Variants in C5orf34 observed in about 807,000 individuals in gnomAD.
C5orf34 encodes chromosome 5 open reading frame 34.
C5orf34 carries 73 observed loss-of-function variants against 78.4 expected under a neutral mutation model. That is an observed-to-expected ratio of 0.93 (90% CI 0.77 to 1.13). The LOEUF (loss-of-function observed/expected upper bound fraction) is 1.13. Ranked by LOEUF, C5orf34 falls within the 50% of genes most tolerant of loss-of-function variation. The probability of loss-of-function intolerance (pLI) is 0.00; values close to 1 mark genes in which losing one functional copy is unlikely to be tolerated. For synonymous variants in C5orf34, 251 were observed against 246.6 expected, an observed-to-expected ratio of 1.02 and a Z score of -0.17; for missense variants, 730 against 732.7, an observed-to-expected ratio of 1.00 and a Z score of 0.04.
At position 43,493,691 on chromosome 5, in the gene C5orf34, A is replaced by G. The variant is rs923282110; in HGVS notation, c.1245-79T>C. ...TAGCAACCCATTTTCACTGCCATACAACATTTTAGATGATCAGTAAATCAT... is the reference window on the plus strand; with the variant it reads ...TAGCAACCCATTTTCACTGCCATACGACATTTTAGATGATCAGTAAATCAT... On this transcript the variant is annotated intron_variant, in intron 7 of 12. Coordinates refer to ENST00000306862, the MANE Select transcript of C5orf34 (RefSeq NM_198566.4). 3.9e-5 allele frequency: 29 copies of G among 738,236 alleles called. No individual in the cohort carries two copies. The African/African-American group carries it at 4.0e-4, about 10-fold the overall frequency. 45.7% of individuals were successfully genotyped at this position (738,236 alleles called of 1,614,324 possible). A position where few individuals can be genotyped will look rare whatever the true frequency, so the allele number is the denominator to read the frequency against.
At position 43,512,760 on chromosome 5, in the gene C5orf34, CTTTTTTTTTTTTTTTTTTTTTTTTTT is replaced by C. The variant is rs58813772; in HGVS notation, c.-37+2020_-37+2045del. Among the ~76,000 whole-genome samples the C allele has an allele frequency of 1.4e-4, 10 of 72,898 alleles. No homozygotes were observed. The South Asian group carries it at 2.8e-3, about 21-fold the overall frequency. 47.8% of individuals were successfully genotyped at this position (72,898 alleles called of 152,430 possible). ...ATGTCACTTTTATGCCCCACCTTGT[CTTTTTTTTTTTTTTTTTTTTTTTTTT>C]TTTTTTTTTTTTTTTGAGACAGAGT... On this transcript the variant is annotated intron_variant, in intron 1 of 12. Transcript: ENST00000306862.
At chr5:43,499,010 CAAT>C (rs1199773017) in intron 6 of C5orf34, among the ~76,000 whole-genome samples, 1 of 152,112 alleles carries the variant, frequency 6.6e-6, no homozygotes, top group African/African-American at 2.4e-5. Flanking sequence ...TAAGAAGCAG[CAAT>C]AATAATGTGT....
intron 8 of C5orf34, 57 bp downstream of exon 8, chr5:43,493,486 G>T (rs1745367532): frequency 3.9e-6 from 4 of 1,025,432 alleles, no homozygotes; most frequent in Non-Finnish European, 1.5e-6. Flanking sequence ...CAGAAGTATG[G>T]ATATAAACAA....
intron 1 of C5orf34, chr5:43,510,971 GC>G (rs1389338746): frequency 4.8e-6 from 1 of 207,464 alleles, no homozygotes; most frequent in Admixed American, 5.9e-5. Flanking sequence ...CCTCTTCCCG[GC>G]CGCCATCCCA....
At chr5:43,488,698 G>A (rs1745154894) in intron 11 of C5orf34, among the ~76,000 whole-genome samples, 1 of 152,062 alleles carries the variant, frequency 6.6e-6, no homozygotes, top group Non-Finnish European at 1.5e-5. Flanking sequence ...GGGACAACTG[G>A]TATGGAGTAG....
chr5:43,508,682 T>A lies in C5orf34; in HGVS notation c.196-16A>T. 2 of 1,440,752 alleles carry A rather than the reference T, an allele frequency of 1.4e-6. No individual in the cohort carries two copies. The highest frequency in any genetic ancestry group is 1.2e-5 in the South Asian group (1 of 86,044). 89.2% of individuals were successfully genotyped at this position (1,440,752 alleles called of 1,614,324 possible). ...GTAGTTGCTCCTATGAAAAGAAATA[T>A]AAAATGTAACCTTAATGTAAAATGA... is the stretch of plus-strand genomic sequence containing the variant. On this transcript the variant is annotated splice_polypyrimidine_tract_variant and intron_variant, in intron 2 of 12. Transcript: ENST00000306862.
intron 1 of C5orf34, among the ~76,000 whole-genome samples, chr5:43,510,241 C>A (rs1317715831): frequency 6.6e-6 from 1 of 152,142 alleles, no homozygotes; most frequent in Non-Finnish European, 1.5e-5. Flanking sequence ...TACCTGGAAT[C>A]CTGTCTCTAC....
Position 43,508,560 on chromosome 5 carries a change from G to C in C5orf34, c.285+17C>G, listed in dbSNP as rs1746089689. ...GTCCTCAAATAATACTAACAAAAAT[G>C]AAGTTAAAAAAATCACCTTTTTTCT... is the stretch of plus-strand genomic sequence containing the variant. On this transcript the variant is annotated intron_variant, in intron 3 of 12. Transcript: ENST00000306862. 3.5e-6 allele frequency: 5 copies of C among 1,412,440 alleles called. No individual in the cohort carries two copies. The highest frequency in any genetic ancestry group is 1.2e-5 in the South Asian group (1 of 82,650). The allele number at this position is 1,412,440 out of a possible 1,614,324, so 87.5% of individuals were successfully genotyped here. A position where few individuals can be genotyped will look rare whatever the true frequency, so the allele number is the denominator to read the frequency against.
intron 1 of C5orf34, among the ~76,000 whole-genome samples, chr5:43,509,825 G>A (rs1016273441): frequency 7.3e-5 from 11 of 150,560 alleles, no homozygotes; most frequent in Admixed American, 5.3e-4. Flanking sequence ...GTGTGATCTC[G>A]GCTCACTGTA....
At chr5:43,497,725 A>G (rs939406839) in intron 6 of C5orf34, among the ~76,000 whole-genome samples, 11 of 152,246 alleles carry the variant, frequency 7.2e-5, no homozygotes, top group Non-Finnish European at 1.6e-4. Flanking sequence ...AATAGGTACC[A>G]AACAAAAGTC....
chr5:43,509,253 G>T lies in C5orf34; in HGVS notation c.87C>A (p.Pro29=). ...TTTCAAATAAAAATTCAGAGCCACAGGGAGAAAGTTGCAATGTGGAACCAT... is the reference window on the plus strand; with the variant it reads ...TTTCAAATAAAAATTCAGAGCCACATGGAGAAAGTTGCAATGTGGAACCAT... The part of the protein sequence containing the change: ...YVDGSTLQLS[P]CGSEFLFEKS... The change falls in exon 2 of 13, where the codon CCC becomes CCA. Residue 29 remains proline (P), a synonymous_variant. Transcript: ENST00000306862. 1 of 1,614,016 alleles carries T rather than the reference G, an allele frequency of 6.2e-7. No homozygotes were observed. Among genetic ancestry groups the T allele is most frequent in the Non-Finnish European group, 8.5e-7 (1 of 1,179,872 alleles).
At chr5:43,507,194 G>C (rs1561216157) in intron 3 of C5orf34, among the ~76,000 whole-genome samples, 3 of 152,052 alleles carry the variant, frequency 2.0e-5, no homozygotes, top group Non-Finnish European at 2.9e-5. Context: ...CTCATAACAA[G>C]TAACAGTGTT....
intron 4 of C5orf34, among the ~76,000 whole-genome samples, chr5:43,505,107 G>A (rs1377821559): frequency 3.3e-5 from 5 of 152,202 alleles, no homozygotes; most frequent in Admixed American, 6.5e-5. Context: ...GCACATAAGT[G>A]TTTTGTAAGT....
At chr5:43,504,921 G>A (rs1348126274) in intron 4 of C5orf34, among the ~76,000 whole-genome samples, 2 of 152,170 alleles carry the variant, frequency 1.3e-5, no homozygotes, top group African/African-American at 2.4e-5. Context: ...AATAACAAAT[G>A]TATACTCAGA....
At chr5:43,502,012 A>C (rs924390221) in intron 6 of C5orf34, among the ~76,000 whole-genome samples, 8 of 152,188 alleles carry the variant, frequency 5.3e-5, no homozygotes, top group Non-Finnish European at 8.8e-5. Context: ...ATACACAATT[A>C]CATGGTGGGG....
At chr5:43,513,739 TATC>T (rs1746369228) in intron 1 of C5orf34, among the ~76,000 whole-genome samples, 1 of 152,234 alleles carries the variant, frequency 6.6e-6, no homozygotes, top group African/African-American at 2.4e-5. Flanking sequence ...GCTGGTTCTT[TATC>T]ATCATCAAGG....
At position 43,510,652 on chromosome 5, in the gene C5orf34, G is replaced by A. The variant is rs550509119; in HGVS notation, c.-36-1277C>T. ...GAGACGGGGTTTCGCTGTGTTGGCC[G>A]GGCTGGTCTCCAGCTCCTAACCGCG... On this transcript the variant is annotated intron_variant, in intron 1 of 12. Transcript: ENST00000306862. 1.1e-4 allele frequency among the ~76,000 whole-genome samples: 16 copies of A among 152,294 alleles called. No individual in the cohort carries two copies. The South Asian group carries it at 1.2e-3, about 12-fold the overall frequency.
intron 2 of C5orf34, 111 bp from the exon 3 acceptor site, chr5:43,508,777 C>T (rs779177655): frequency 2.1e-4 from 155 of 734,966 alleles, no homozygotes; most frequent in Middle Eastern, 3.0e-4. Context: ...ATTCTAGCCA[C>T]GTCAACAGTA....
In C5orf34 at chr5:43,506,404, GA is replaced by G; in HGVS notation, c.286-11del. On this transcript the variant is annotated splice_polypyrimidine_tract_variant and intron_variant, in intron 3 of 12. Coordinates refer to ENST00000306862, the MANE Select transcript of C5orf34 (RefSeq NM_198566.4). ...TGTCAATGAAGATATGCTGCAAGGA[GA>G]GGGGAAAAGAGACGGTGAGTATTTT... The G allele has an allele frequency of 6.4e-7, 1 of 1,572,012 alleles. No individual in the cohort carries two copies. Among genetic ancestry groups the G allele is most frequent in the African/African-American group, 1.4e-5 (1 of 73,364 alleles).
Sources: allele counts gnomAD v4.1 joint callset (sites outside exome capture counted in the v4.1 genomes callset), GRCh38; gene constraint gnomAD v4.1.1; transcripts MANE v1.5; gene names NCBI Gene and HGNC (gene_info 2026-07-23, HGNC 2026-07-21).